Variants in ARK2C observed in about 807,000 individuals in gnomAD.
The protein encoded by ARK2C is E3 ubiquitin-protein ligase ARK2C.
chr18:46,360,773 G>A, the ARK2C span, among the ~76,000 whole-genome samples: 3 of 152,174 alleles, frequency 2.0e-5, no homozygotes, highest in African/African-American at 7.2e-5. Flanking sequence ...CACACGAGGC[G>A]GGTATGTGGA....
At chr18:46,407,703 A>G in the ARK2C span, among the ~76,000 whole-genome samples, 2 of 152,196 alleles carry the variant, frequency 1.3e-5, no homozygotes, top group African/African-American at 4.8e-5. Context: ...AAAAATTAAG[A>G]GCAGGGCAGT....
chr18:46,454,905 G>C, the ARK2C span, among the ~76,000 whole-genome samples: 1 of 152,220 alleles, frequency 6.6e-6, no homozygotes, highest in Non-Finnish European at 1.5e-5. Context: ...AATACGCCTT[G>C]TAAGTGACCA....
the ARK2C span, among the ~76,000 whole-genome samples, chr18:46,435,836 C>A: frequency 6.6e-6 from 1 of 152,072 alleles, no homozygotes; most frequent in African/African-American, 2.4e-5. Context: ...CAAGGCAGTG[C>A]TGGGTGGGGT....
chr18:46,428,476 G>A, the ARK2C span, among the ~76,000 whole-genome samples: 1 of 152,170 alleles, frequency 6.6e-6, no homozygotes, highest in Admixed American at 6.5e-5. Context: ...GATTTCACCA[G>A]TAAGCAGTGG....
At chr18:46,401,270 G>A in the ARK2C span, among the ~76,000 whole-genome samples, 1 of 152,176 alleles carries the variant, frequency 6.6e-6, no homozygotes, top group African/African-American at 2.4e-5. Context: ...CACCATCCCA[G>A]GCATGGCCAC....
At chr18:46,447,851 A>G in the ARK2C span, among the ~76,000 whole-genome samples, 1 of 143,828 alleles carries the variant, frequency 7.0e-6, no homozygotes, top group Non-Finnish European at 1.5e-5. Flanking sequence ...CCTGTGTATC[A>G]ATCCCCCATG....
chr18:46,337,216 A>G, the ARK2C span: 1 of 985,430 alleles, frequency 1.0e-6, no homozygotes, highest in Non-Finnish European at 1.2e-6. Flanking sequence ...CTGAAAAGAA[A>G]GAGAAAAAAG....
chr18:46,415,526 A>C, the ARK2C span, among the ~76,000 whole-genome samples: 1 of 151,252 alleles, frequency 6.6e-6, no homozygotes, highest in Non-Finnish European at 1.5e-5. Flanking sequence ...GATCTGTCTC[A>C]AAAAAAATAA....
the ARK2C span, among the ~76,000 whole-genome samples, chr18:46,420,250 A>C: frequency 6.6e-6 from 1 of 152,172 alleles, no homozygotes; most frequent in African/African-American, 2.4e-5. Flanking sequence ...CTTCCCCATC[A>C]TCACACATCA....
the ARK2C span, among the ~76,000 whole-genome samples, chr18:46,430,202 C>T: frequency 3.3e-5 from 5 of 152,264 alleles, no homozygotes; most frequent in South Asian, 2.1e-4. Flanking sequence ...ATTCTATTCT[C>T]ATACTTGATT....
At chr18:46,454,949 T>C in the ARK2C span, among the ~76,000 whole-genome samples, 1 of 152,216 alleles carries the variant, frequency 6.6e-6, no homozygotes, top group East Asian at 1.9e-4. Context: ...GGGTAAGTCA[T>C]GAGTCCATGC....
chr18:46,415,226 G>A, the ARK2C span, among the ~76,000 whole-genome samples: 1 of 152,178 alleles, frequency 6.6e-6, no homozygotes, highest in Non-Finnish European at 1.5e-5. Context: ...TTACCAGTAA[G>A]TTGCTGAAGG....
chr18:46,359,538 G>A, the ARK2C span, among the ~76,000 whole-genome samples: 1 of 152,330 alleles, frequency 6.6e-6, no homozygotes, highest in African/African-American at 2.4e-5. Flanking sequence ...TGGTGGGGCT[G>A]GAGATAGAGA....
the ARK2C span, among the ~76,000 whole-genome samples, chr18:46,367,897 C>G: frequency 6.6e-6 from 1 of 152,206 alleles, no homozygotes; most frequent in South Asian, 2.1e-4. Context: ...GGCATCTGTA[C>G]TTTGAACCAC....
the ARK2C span, among the ~76,000 whole-genome samples, chr18:46,424,481 C>T: frequency 6.6e-6 from 1 of 152,188 alleles, no homozygotes; most frequent in East Asian, 1.9e-4. Flanking sequence ...CTCCCTGGTT[C>T]CAGCCCACTT....
chr18:46,442,087 C>T, the ARK2C span, among the ~76,000 whole-genome samples: 8 of 148,292 alleles, frequency 5.4e-5, no homozygotes, highest in East Asian at 2.0e-4. Context: ...GGCGTGAACC[C>T]GGGAGGCGGA....
chr18:46,382,000 C>T, the ARK2C span, among the ~76,000 whole-genome samples: 1 of 152,186 alleles, frequency 6.6e-6, no homozygotes, highest in African/African-American at 2.4e-5. Context: ...AGATGCTCTG[C>T]AGGAGCCCCA....
the ARK2C span, among the ~76,000 whole-genome samples, chr18:46,432,588 G>A: frequency 6.6e-6 from 1 of 152,144 alleles, no homozygotes; most frequent in Non-Finnish European, 1.5e-5. Flanking sequence ...TAATTCAAAA[G>A]GCCAAGCTTT....
chr18:46,372,617 T>A, the ARK2C span, among the ~76,000 whole-genome samples: 1 of 152,044 alleles, frequency 6.6e-6, no homozygotes, highest in Non-Finnish European at 1.5e-5. Flanking sequence ...TGGGTTCCAA[T>A]GAGAGAGGCT....
Sources: gnomAD v4.1 joint callset for allele counts (sites outside exome capture counted in the v4.1 genomes callset) on GRCh38, gnomAD v4.1.1 for gene constraint, MANE v1.5 for transcripts, NCBI Gene and HGNC (gene_info 2026-07-23, HGNC 2026-07-21) for gene names.